The following SV2C variants were observed in gnomAD, a reference collection of about 807,000 sequenced individuals.
The protein encoded by SV2C is solute carrier family 22 member B3.
SV2C carries 49 observed loss-of-function variants against 79.7 expected under a neutral mutation model. The observed-to-expected ratio is 0.61, with a 90% CI of 0.49 to 0.78. SV2C has a LOEUF of 0.78. SV2C is among the 30% of genes least tolerant of loss of function. The pLI, the probability that SV2C is intolerant of heterozygous loss-of-function variation, is 0.00. For synonymous variants in SV2C, 334 were observed against 333.2 expected (o/e 1.00, Z -0.03); for missense variants, 833 against 912.9 (o/e 0.91, Z 1.13).
intron 4 of SV2C, among the ~76,000 whole-genome samples, chr5:76,272,960 A>G (rs1746917125): frequency 6.6e-6 from 1 of 151,988 alleles, no homozygotes; most frequent in Non-Finnish European, 1.5e-5. Flanking sequence ...AAAATAGAGA[A>G]GGAAACTTAA....
intron 4 of SV2C, chr5:76,242,200 A>C: frequency 1.0e-6 from 1 of 981,550 alleles, no homozygotes; most frequent in South Asian, 1.3e-5. Context: ...TTGGAGGAGC[A>C]GGTTTAGCAG....
intron 12 of SV2C, among the ~76,000 whole-genome samples, chr5:76,323,805 A>G (rs554075937): frequency 6.6e-6 from 1 of 152,256 alleles, no homozygotes. Flanking sequence ...CCAAACACCG[A>G]TTGTTCTCAC....
intron 12 of SV2C, among the ~76,000 whole-genome samples, chr5:76,346,126 T>C (rs1040152075): frequency 3.3e-5 from 5 of 152,168 alleles, no homozygotes; most frequent in Non-Finnish European, 7.4e-5. Context: ...GTGTGATGTC[T>C]CCAAATGTGG....
At chr5:75,935,413 C>T in the SV2C span, among the ~76,000 whole-genome samples, 1 of 152,050 alleles carries the variant, frequency 6.6e-6, no homozygotes, top group Non-Finnish European at 1.5e-5. Context: ...AAAGTTGACC[C>T]AGTAATTCCA....
chr5:75,942,189 T>A, the SV2C span, among the ~76,000 whole-genome samples: 1 of 152,216 alleles, frequency 6.6e-6, no homozygotes, highest in Non-Finnish European at 1.5e-5. Context: ...ATGTCTGGGA[T>A]CCTTCTAGAT....
intron 4 of SV2C, 60 bp downstream of exon 4, chr5:76,209,947 C>T: frequency 6.5e-7 from 1 of 1,531,618 alleles, no homozygotes; most frequent in Middle Eastern, 2.0e-4. Flanking sequence ...GGCTCCATTC[C>T]CATCTTCTTC....
the SV2C span, among the ~76,000 whole-genome samples, chr5:75,926,440 T>C: frequency 6.6e-6 from 1 of 152,208 alleles, no homozygotes; most frequent in Admixed American, 6.6e-5. Flanking sequence ...TCTTTTTTGG[T>C]TCAAAGAGTG....
chr5:76,222,975 GCTAAGAAA>G (rs1305185775), intron 4 of SV2C, among the ~76,000 whole-genome samples: 1 of 152,100 alleles, frequency 6.6e-6, no homozygotes, highest in Non-Finnish European at 1.5e-5. Context: ...ACATGAAGAA[GCTAAGAAA>G]CTTCTCCAGA....
chr5:75,928,917 A>G, the SV2C span, among the ~76,000 whole-genome samples: 15,119 of 152,142 alleles, frequency 0.099, 2,296 homozygotes, highest in African/African-American at 0.33. Context: ...AATATTAATA[A>G]AAGAACAAGT....
chr5:76,341,707 CTG>C (rs1197721075), intron 12 of SV2C, among the ~76,000 whole-genome samples: 1 of 152,138 alleles, frequency 6.6e-6, no homozygotes, highest in African/African-American at 2.4e-5. Flanking sequence ...AGCAATGTGC[CTG>C]ACACACAAAT....
intron 2 of SV2C, among the ~76,000 whole-genome samples, chr5:76,143,679 G>A (rs958537609): frequency 6.6e-6 from 1 of 152,208 alleles, no homozygotes; most frequent in Admixed American, 6.5e-5. Context: ...TTCAGTGTGG[G>A]GGAAACAGAA....
Position 76,319,520 on chromosome 5 carries a change from T to C in SV2C, c.2001-5844T>C, listed in dbSNP as rs187746931. Among the ~76,000 whole-genome samples the C allele has an allele frequency of 3.5e-3, 537 of 152,370 alleles. 2 individuals are homozygous for C. The highest frequency in any genetic ancestry group is 0.017 in the Middle Eastern group (5 of 294). ...GAAAGGGTAGTCACGTTTTCTTGAA[T>C]GCCGACACTAATTTACGGAGGCTGT... On this transcript the variant is annotated intron_variant, in intron 12 of 12. Transcript: ENST00000502798.
chr5:76,176,154 C>T (rs768780617), intron 2 of SV2C, among the ~76,000 whole-genome samples: 4 of 152,076 alleles, frequency 2.6e-5, no homozygotes, highest in Non-Finnish European at 2.9e-5. Flanking sequence ...AAGTTTACTA[C>T]GTTTAGTCTA....
chr5:76,091,321 C>T (rs948949343), intron 1 of SV2C, among the ~76,000 whole-genome samples: 1 of 152,174 alleles, frequency 6.6e-6, no homozygotes, highest in East Asian at 1.9e-4. Context: ...CTCGTCTGAC[C>T]CCAATTGTGG....
chr5:76,319,306 C>T (rs961071038), intron 12 of SV2C, among the ~76,000 whole-genome samples: 6 of 151,750 alleles, frequency 4.0e-5, no homozygotes. Flanking sequence ...TTAGTCCCAG[C>T]TACCAAAAGG....
chr5:76,162,499 G>A (rs1464328530), intron 2 of SV2C, among the ~76,000 whole-genome samples: 2 of 152,148 alleles, frequency 1.3e-5, no homozygotes, highest in African/African-American at 2.4e-5. Flanking sequence ...TTGGGTTACC[G>A]ATTAGCTTAG....
rs1423106 is a variant in SV2C at position 76,143,788 on chromosome 5, A to G, written c.580+11458A>G. On this transcript the variant is annotated intron_variant, in intron 2 of 12. Transcript: ENST00000502798. ...CGAGGATCTTCTACTGATCTTGACA[A>G]TGGTCTTGAATTTTTTCAAACTAAC... Among the ~76,000 whole-genome samples, 352 of 152,268 alleles carry G rather than the reference A, an allele frequency of 2.3e-3. 14 individuals carry two copies. The East Asian group carries it at 0.059, about 26-fold the overall frequency.
the SV2C span, among the ~76,000 whole-genome samples, chr5:76,025,371 G>T: frequency 2.2e-4 from 34 of 152,184 alleles, no homozygotes; most frequent in African/African-American, 7.9e-4. Context: ...AAGACAGCCA[G>T]GAGACTAATA....
At chr5:76,252,181 G>A (rs1307225150) in intron 4 of SV2C, among the ~76,000 whole-genome samples, 1 of 152,156 alleles carries the variant, frequency 6.6e-6, no homozygotes, top group Non-Finnish European at 1.5e-5. Flanking sequence ...GTACAATGGT[G>A]CGATCTTGGC....
Sources: allele counts gnomAD v4.1 joint callset (sites outside exome capture counted in the v4.1 genomes callset), GRCh38; gene constraint gnomAD v4.1.1; transcripts MANE v1.5; gene names NCBI Gene and HGNC (gene_info 2026-07-23, HGNC 2026-07-21).